GTF2F2: variants seen among roughly 807,000 people sequenced by gnomAD.
GTF2F2 encodes the protein general transcription factor IIF subunit 2, also known as ATP-dependent helicase GTF2F2.
GTF2F2 carries 23 observed loss-of-function variants against 42.2 expected under a neutral mutation model. That is an observed-to-expected ratio of 0.55 (90% confidence interval 0.39 to 0.77). The LOEUF (loss-of-function observed/expected upper bound fraction) is 0.77. Among genes scored for constraint, GTF2F2 ranks in the 30% least tolerant of loss-of-function variants. The pLI is 0.00. For synonymous variants in GTF2F2, 105 were observed against 100.8 expected (o/e 1.04, Z -0.25); for missense variants, 261 against 287.2 (o/e 0.91, Z 0.66).
At chr13:45,199,144 A>G (rs1305542500) in intron 4 of GTF2F2, among the ~76,000 whole-genome samples, 1 of 152,258 alleles carries the variant, frequency 6.6e-6, no homozygotes, top group Non-Finnish European at 1.5e-5. Flanking sequence ...ACCTCTGGCC[A>G]CAAGGTCGTG....
intron 5 of GTF2F2, among the ~76,000 whole-genome samples, chr13:45,251,849 TA>T (rs1875891985): frequency 6.6e-6 from 1 of 152,210 alleles, no homozygotes; most frequent in Non-Finnish European, 1.5e-5. Flanking sequence ...ACTGCAATCT[TA>T]TATTTTGATA....
At chr13:45,222,028 A>G (rs1211962153) in intron 5 of GTF2F2, among the ~76,000 whole-genome samples, 1 of 152,074 alleles carries the variant, frequency 6.6e-6, no homozygotes, top group Non-Finnish European at 1.5e-5. Flanking sequence ...TGGGTGAAAT[A>G]GTATAGACTT....
At chr13:45,191,255 A>AGC (rs1555267768) in intron 4 of GTF2F2, among the ~76,000 whole-genome samples, 3 of 136,528 alleles carry the variant, frequency 2.2e-5, no homozygotes, top group Admixed American at 1.4e-4. Context: ...ATATATATAT[A>AGC]GCCATAATCT....
At chr13:45,258,438 C>G (rs746174022) in intron 6 of GTF2F2, among the ~76,000 whole-genome samples, 2 of 152,070 alleles carry the variant, frequency 1.3e-5, no homozygotes, top group African/African-American at 4.8e-5. Context: ...GCTGGAAACC[C>G]GCTAGCAAGG....
intron 5 of GTF2F2, among the ~76,000 whole-genome samples, chr13:45,231,115 T>G (rs957649812): frequency 1.3e-5 from 2 of 151,868 alleles, no homozygotes; most frequent in Non-Finnish European, 2.9e-5. Flanking sequence ...TATTATTTAT[T>G]TATTAATTTT....
At chr13:45,273,019 C>T (rs1033241872) in intron 7 of GTF2F2, among the ~76,000 whole-genome samples, 3 of 150,102 alleles carry the variant, frequency 2.0e-5, no homozygotes, top group East Asian at 4.0e-4. Context: ...CTCCGCCTCC[C>T]GAGTTCAAGC....
chr13:45,260,362 C>T (rs576418159), intron 6 of GTF2F2, among the ~76,000 whole-genome samples: 1 of 152,120 alleles, frequency 6.6e-6, no homozygotes, highest in African/African-American at 2.4e-5. Context: ...TGAATTTGCA[C>T]ACAAAGGACT....
At chr13:45,217,670 G>A (rs539316236) in intron 5 of GTF2F2, among the ~76,000 whole-genome samples, 2 of 152,332 alleles carry the variant, frequency 1.3e-5, no homozygotes, top group South Asian at 4.1e-4. Context: ...TAAGTCCTGA[G>A]AAGCAGTATT....
At chr13:45,279,373 T>C (rs1231718216) in intron 7 of GTF2F2, among the ~76,000 whole-genome samples, 2 of 152,252 alleles carry the variant, frequency 1.3e-5, no homozygotes, top group East Asian at 3.8e-4. Flanking sequence ...CAGATTTTAG[T>C]AATAAGTGAC....
At chr13:45,126,674 T>C (rs1869022053) in intron 1 of GTF2F2, among the ~76,000 whole-genome samples, 1 of 152,238 alleles carries the variant, frequency 6.6e-6, no homozygotes, top group Non-Finnish European at 1.5e-5. Flanking sequence ...ACATGGTATA[T>C]ATACTGTGTA....
At chr13:45,172,873 C>T (rs902279736) in intron 4 of GTF2F2, among the ~76,000 whole-genome samples, 3 of 152,096 alleles carry the variant, frequency 2.0e-5, no homozygotes, top group African/African-American at 7.2e-5. Flanking sequence ...AATTGGGAAG[C>T]GTGAACCCTC....
At chr13:45,125,608 C>T (rs1251859448) in intron 1 of GTF2F2, among the ~76,000 whole-genome samples, 1 of 152,200 alleles carries the variant, frequency 6.6e-6, no homozygotes, top group African/African-American at 2.4e-5. Flanking sequence ...CGGTGTGAGC[C>T]ACTGTGCCCA....
intron 4 of GTF2F2, among the ~76,000 whole-genome samples, chr13:45,172,658 CT>C (rs1475805799): frequency 6.6e-6 from 1 of 152,074 alleles, no homozygotes; most frequent in African/African-American, 2.4e-5. Flanking sequence ...AACTTTAATT[CT>C]TTTCCATGCA....
intron 5 of GTF2F2, among the ~76,000 whole-genome samples, chr13:45,227,116 A>G (rs550320323): frequency 6.6e-6 from 1 of 152,152 alleles, no homozygotes; most frequent in Non-Finnish European, 1.5e-5. Flanking sequence ...AAAAAATATT[A>G]TATAGCTGGA....
chr13:45,239,478 G>A (rs1002927282), intron 5 of GTF2F2, among the ~76,000 whole-genome samples: 2 of 152,034 alleles, frequency 1.3e-5, no homozygotes, highest in Admixed American at 1.3e-4. Flanking sequence ...ACAGAAGTTG[G>A]GCAGTAATTT....
At chr13:45,161,717 C>A (rs1382793607) in intron 4 of GTF2F2, among the ~76,000 whole-genome samples, 1 of 152,116 alleles carries the variant, frequency 6.6e-6, no homozygotes, top group African/African-American at 2.4e-5. Flanking sequence ...GTGGTGAGTG[C>A]CTGTAATCCC....
At chr13:45,181,037 C>T (rs1265839085) in intron 4 of GTF2F2, among the ~76,000 whole-genome samples, 1 of 151,702 alleles carries the variant, frequency 6.6e-6, no homozygotes, top group African/African-American at 2.4e-5. Context: ...TGGTACGTGC[C>T]GGTAGTGTAG....
At chr13:45,259,157 T>C (rs968951442) in intron 6 of GTF2F2, among the ~76,000 whole-genome samples, 2 of 152,172 alleles carry the variant, frequency 1.3e-5, no homozygotes, top group Non-Finnish European at 2.9e-5. Context: ...CCGGGTGCGG[T>C]GGCTCACACC....
intron 6 of GTF2F2, among the ~76,000 whole-genome samples, chr13:45,257,276 A>G (rs1177845810): frequency 1.3e-5 from 2 of 152,072 alleles, no homozygotes; most frequent in Admixed American, 1.3e-4. Flanking sequence ...ACCCCTGAAA[A>G]CCATCTTCTT....
Sources: gnomAD v4.1 joint callset for allele counts (sites outside exome capture counted in the v4.1 genomes callset) on GRCh38, gnomAD v4.1.1 for gene constraint, MANE v1.5 for transcripts, NCBI Gene and HGNC (gene_info 2026-07-23, HGNC 2026-07-21) for gene names.